Variants in NLRP7 observed in about 807,000 individuals in gnomAD.
NLRP7 encodes the protein NACHT, LRR and PYD domains-containing protein 7.
In NLRP7, 72 loss-of-function variants were observed where a neutral mutation model predicts 85.5. The ratio of observed to expected loss-of-function variants is 0.84; its 90% CI spans 0.70 to 1.02. NLRP7 has a LOEUF of 1.02. Ranked by LOEUF, NLRP7 falls within the 50% of genes least tolerant of loss-of-function variation. The pLI, the probability that NLRP7 is intolerant of heterozygous loss-of-function variation, is 0.00. For missense variants in NLRP7, 1,243 were observed against 1,219.5 expected (o/e 1.02, Z -0.29); for synonymous variants, 550 against 505.2 (o/e 1.09, Z -1.19).
exon 4 of NLRP7, chr19:54,940,277 C>T (rs368044632): frequency 5.6e-6 from 9 of 1,614,034 alleles, no homozygotes; most frequent in Non-Finnish European, 7.6e-6. Flanking sequence ...TTTCCCCACG[C>T]CTGCGGGGCC....
intron 1 of NLRP7, 66 bp from the exon 2 acceptor site, chr19:54,941,816 G>A (rs1404759047): frequency 2.5e-6 from 3 of 1,212,702 alleles, no homozygotes; most frequent in African/African-American, 3.1e-5. Context: ...AGTTTCCTGT[G>A]TGCCAAGAAC....
At chr19:54,935,122 TC>T (rs1183561717) in intron 6 of NLRP7, among the ~76,000 whole-genome samples, 1 of 152,076 alleles carries the variant, frequency 6.6e-6, no homozygotes, top group Admixed American at 6.6e-5. Flanking sequence ...TCTTCAAGTA[TC>T]CCCATGGCCA....
intron 1 of NLRP7, among the ~76,000 whole-genome samples, chr19:54,962,760 C>T (rs370838877): frequency 0.16 from 23,329 of 148,654 alleles, 2,121 homozygotes; most frequent in Middle Eastern, 0.29. Flanking sequence ...CCACCACGCC[C>T]GGCTAATTTT....
chr19:54,944,506 C>T (rs1569541418), intron 1 of NLRP7, among the ~76,000 whole-genome samples: 1 of 151,942 alleles, frequency 6.6e-6, no homozygotes, highest in Admixed American at 6.6e-5. Context: ...AGATAATGAC[C>T]AATAAATACT....
chr19:54,959,647 C>T (rs2069974174), intron 1 of NLRP7, among the ~76,000 whole-genome samples: 2 of 151,598 alleles, frequency 1.3e-5, no homozygotes. Context: ...ACCCCCATTT[C>T]CAATTTTAGT....
rs547134633 is a variant in NLRP7, at chr19:54,943,548, C to T, written c.-39-1798G>A. ...CCCGGGAGGCGGAGCTTGCAGTGAG[C>T]GGAGATCGCGCCACCGCACTCCAGC... On this transcript the variant is annotated intron_variant, in intron 1 of 9. Transcript: ENST00000340844. Among the ~76,000 whole-genome samples, 30 of 131,544 alleles carry T rather than the reference C, an allele frequency of 2.3e-4. 1 individual carries two copies. The highest frequency in any genetic ancestry group is 1.0e-3 in the Admixed American group (12 of 11,784). 86.3% of individuals were successfully genotyped at this position (131,544 alleles called of 152,430 possible). A position where few individuals can be genotyped will look rare whatever the true frequency, so the allele number is the denominator to read the frequency against.
intron 1 of NLRP7, among the ~76,000 whole-genome samples, chr19:54,943,563 C>CGCACTCCAGCCTGGGCGACAGA (rs2069333481): frequency 6.8e-6 from 1 of 147,354 alleles, no homozygotes. Context: ...ATCGCGCCAC[C>CGCACTCCAGCCTGGGCGACAGA]GCACTCCAGC....
chr19:54,960,137 T>C (rs183436579), intron 1 of NLRP7, among the ~76,000 whole-genome samples: 1 of 151,772 alleles, frequency 6.6e-6, no homozygotes, highest in African/African-American at 2.4e-5. Flanking sequence ...GTGTTTCTTG[T>C]TTTTTTTGTT....
chr19:54,935,338 C>A (rs1250326081), intron 6 of NLRP7, among the ~76,000 whole-genome samples: 3 of 151,982 alleles, frequency 2.0e-5, no homozygotes, highest in Admixed American at 2.0e-4. Context: ...AATGATCCTC[C>A]CACCTCAGCA....
chr19:54,951,754 T>A (rs2069676381), upstream of NLRP7, among the ~76,000 whole-genome samples: 2 of 141,572 alleles, frequency 1.4e-5, 1 homozygote, highest in South Asian at 4.4e-4. Flanking sequence ...ATTAGACGAA[T>A]TTTTTTTTTT....
intron 1 of NLRP7, chr19:54,953,047 A>G (rs888111834): frequency 5.3e-5 from 8 of 152,036 alleles, no homozygotes; most frequent in African/African-American, 1.9e-4. Flanking sequence ...GAGGCAGGAG[A>G]ATCGCTTGAG....
intron 9 of NLRP7, among the ~76,000 whole-genome samples, chr19:54,926,081 C>A (rs1372599078): frequency 6.6e-6 from 1 of 151,646 alleles, no homozygotes; most frequent in Non-Finnish European, 1.5e-5. Context: ...ATAAAAAATA[C>A]AAATAAGTCA....
intron 1 of NLRP7, among the ~76,000 whole-genome samples, chr19:54,942,254 T>C (rs1262436444): frequency 5.7e-5 from 1 of 17,520 alleles, no homozygotes; most frequent in South Asian, 1.5e-3. Flanking sequence ...AGACTCCGTC[T>C]CAAAAAAAAA....
chr19:54,952,904 G>A (rs1015722822), intron 1 of NLRP7, among the ~76,000 whole-genome samples: 1 of 152,006 alleles, frequency 6.6e-6, no homozygotes, highest in Non-Finnish European at 1.5e-5. Context: ...TTGGGAGGCC[G>A]AGGCGGGTGG....
At chr19:54,960,431 C>T (rs2070002264) in intron 1 of NLRP7, among the ~76,000 whole-genome samples, 1 of 151,712 alleles carries the variant, frequency 6.6e-6, no homozygotes. Flanking sequence ...GCTGGGATTA[C>T]AGCCTTAAGC....
At chr19:54,952,636 G>C (rs1331501529) in intron 1 of NLRP7, among the ~76,000 whole-genome samples, 1 of 151,784 alleles carries the variant, frequency 6.6e-6, no homozygotes, top group Non-Finnish European at 1.5e-5. Context: ...GGGGGAGATG[G>C]ATTGGAGGTT....
intron 9 of NLRP7, 69 bp from the exon 10 acceptor site, chr19:54,927,844 C>A (rs1371304748): frequency 9.1e-6 from 13 of 1,433,840 alleles, no homozygotes; most frequent in African/African-American, 1.4e-5. Context: ...GTAATCCCAA[C>A]ACTTCGGGAG....
At chr19:54,962,585 C>T (rs775843) in intron 1 of NLRP7, among the ~76,000 whole-genome samples, 37,145 of 144,010 alleles carry the variant, frequency 0.26, 4,808 homozygotes, top group East Asian at 0.4. Flanking sequence ...ATTTTCTTTT[C>T]TTTCTTTCTT....
intron 3 of NLRP7, 92 bp from the exon 4 acceptor site, chr19:54,940,558 G>T: frequency 7.0e-7 from 1 of 1,436,206 alleles, no homozygotes. Context: ...CAGGCACGGT[G>T]TCTCATGCTT....
Sources: gnomAD v4.1 joint callset for allele counts (sites outside exome capture counted in the v4.1 genomes callset) on GRCh38, gnomAD v4.1.1 for gene constraint, MANE v1.5 for transcripts, NCBI Gene and HGNC (gene_info 2026-07-23, HGNC 2026-07-21) for gene names.